Variants in RAD18 observed in about 807,000 individuals in gnomAD.
RAD18 encodes E3 ubiquitin-protein ligase RAD18.
Under a neutral mutation model 60.4 loss-of-function variants are expected in RAD18, and 47 were observed. The observed-to-expected ratio is 0.78, with a 90% CI of 0.62 to 0.99. RAD18 has a LOEUF of 0.99. RAD18 is among the 50% of genes least tolerant of loss of function. The probability of loss-of-function intolerance (pLI) is 0.00; values close to 1 mark genes in which losing one functional copy is unlikely to be tolerated. For synonymous variants in RAD18, 225 were observed against 195.5 expected, an observed-to-expected ratio of 1.15 and a Z score of -1.26; for missense variants, 640 against 593.3, an observed-to-expected ratio of 1.08 and a Z score of -0.82.
chr3:8,953,334 A>T (rs1361651035), intron 2 of RAD18, among the ~76,000 whole-genome samples: 1 of 151,922 alleles, frequency 6.6e-6, no homozygotes. Flanking sequence ...TATTTATAAT[A>T]AGGCTACTGC....
rs146905941 is a variant in RAD18, at chr3:8,884,545, G to A, written c.1386-3086C>T. ...TTTAAGGCTTAAGTTTTAGTGGGAT[G>A]TTCCTCCTTACTTTTAACTTCTATT... On this transcript the variant is annotated intron_variant, in intron 12 of 12. Transcript: ENST00000264926. 6.6e-5 allele frequency among the ~76,000 whole-genome samples: 10 copies of A among 152,100 alleles called. No homozygotes were observed. In the East Asian group the frequency reaches 1.7e-3, roughly 26 times the overall value.
intron 7 of RAD18, among the ~76,000 whole-genome samples, chr3:8,914,864 C>T (rs1425476770): frequency 3.3e-5 from 5 of 152,224 alleles, no homozygotes; most frequent in African/African-American, 2.4e-5. Flanking sequence ...CTAGGCCAGG[C>T]GCAGTGGCTC....
chr3:8,918,803 G>C (rs1940257329), intron 7 of RAD18, among the ~76,000 whole-genome samples: 1 of 152,226 alleles, frequency 6.6e-6, no homozygotes, highest in African/African-American at 2.4e-5. Context: ...AGTATTATCA[G>C]AGAGCAAGTG....
intron 2 of RAD18, among the ~76,000 whole-genome samples, chr3:8,950,343 CT>C (rs1553628457): frequency 6.6e-6 from 1 of 152,100 alleles, no homozygotes; most frequent in Non-Finnish European, 1.5e-5. Flanking sequence ...CCAGAGTAGT[CT>C]GTTCTCAACA....
At chr3:8,922,562 ACAGCAGTGGTTCTTC>A (rs1240663685) in intron 7 of RAD18, among the ~76,000 whole-genome samples, 1 of 152,238 alleles carries the variant, frequency 6.6e-6, no homozygotes, top group Non-Finnish European at 1.5e-5. Flanking sequence ...AGCTTGGAAG[ACAGCAGTGGTTCTTC>A]CAGCATGCAG....
In RAD18 at chr3:8,915,646, C is replaced by T. The variant is rs12637955; in HGVS notation, c.890-1926G>A. Among the ~76,000 whole-genome samples, 72 of 150,722 alleles carry T rather than the reference C, an allele frequency of 4.8e-4. No individual in the cohort carries two copies. In the East Asian group the frequency reaches 8.0e-3, roughly 17 times the overall value. ...TCACCCAGGACGGAGTGCAGTGGCG[C>T]GATCTCGGCTCACTGCAAGCTCTGC... On this transcript the variant is annotated intron_variant, in intron 7 of 12. Coordinates refer to ENST00000264926, the MANE Select transcript of RAD18 (RefSeq NM_020165.4).
intron 7 of RAD18, among the ~76,000 whole-genome samples, chr3:8,918,406 CT>C (rs1381913688): frequency 6.6e-6 from 1 of 151,782 alleles, no homozygotes; most frequent in African/African-American, 2.4e-5. Context: ...GTGTTTGCCC[CT>C]AAAACAGAAA....
chr3:8,963,434 C>T lies in RAD18; in HGVS notation c.-49G>A, dbSNP rs1437416232. 1 of 1,498,426 alleles carries T rather than the reference C, an allele frequency of 6.7e-7. No individual in the cohort carries two copies. The highest frequency in any genetic ancestry group is 9.1e-7 in the Non-Finnish European group (1 of 1,099,276). 92.8% of individuals were successfully genotyped at this position (1,498,426 alleles called of 1,614,324 possible). On this transcript the variant is annotated 5_prime_UTR_variant, in exon 1 of 13. Transcript: ENST00000264926. ...GTCAGCCACCCACTAGCCTCCGGCG[C>T]TCCAACACCACTCGAAATTCCCCGC...
chr3:8,944,016 G>C (rs1247449757), intron 4 of RAD18, among the ~76,000 whole-genome samples: 2 of 151,862 alleles, frequency 1.3e-5, no homozygotes, highest in Admixed American at 6.6e-5. Context: ...GCCAAACATT[G>C]GTTCTTTGAA....
chr3:8,961,730 G>A (rs1436529239), intron 1 of RAD18, among the ~76,000 whole-genome samples: 1 of 152,152 alleles, frequency 6.6e-6, no homozygotes, highest in African/African-American at 2.4e-5. Context: ...AAAAATACGG[G>A]CTCAATCAAC....
chr3:8,890,390 T>G lies in RAD18; in HGVS notation c.1384A>C (p.Lys462Gln). The G allele has an allele frequency of 6.3e-7, 1 of 1,579,078 alleles. No individual in the cohort carries two copies. The highest frequency in any genetic ancestry group is 8.7e-7 in the Non-Finnish European group (1 of 1,148,330). The stretch of plus-strand genomic sequence containing the variant: ...TATTTCATGATTATGAGAACTCACT[T>G]ATGTGATGCTTCCCAGGCTTCCTCT... The part of the protein sequence containing the change: ...EEEEAWEASH[K>Q]NDLQDTEISP... Residue 462 changes from lysine to glutamine, a missense_variant and splice_region_variant, in exon 12 of 13, where the codon AAA becomes CAA. Coordinates refer to ENST00000264926, the MANE Select transcript of RAD18 (RefSeq NM_020165.4).
intron 7 of RAD18, among the ~76,000 whole-genome samples, chr3:8,923,743 A>G (rs2728769): frequency 0.69 from 105,160 of 152,042 alleles, 36,926 homozygotes; most frequent in Middle Eastern, 0.77. Context: ...AGCCAGAAGA[A>G]AGTGGGGGCC....
chr3:8,882,677 G>A (rs1191068402), intron 12 of RAD18, among the ~76,000 whole-genome samples: 2 of 152,184 alleles, frequency 1.3e-5, no homozygotes, highest in African/African-American at 4.8e-5. Context: ...TGGCTGAAAG[G>A]AAAATGGGAG....
At chr3:8,905,517 G>A (rs1045047976) in intron 9 of RAD18, among the ~76,000 whole-genome samples, 1 of 152,160 alleles carries the variant, frequency 6.6e-6, no homozygotes, top group Admixed American at 6.5e-5. Context: ...TTTAAATCAA[G>A]AAATGAGTTT....
intron 7 of RAD18, among the ~76,000 whole-genome samples, chr3:8,922,859 A>G (rs886133650): frequency 6.6e-6 from 1 of 152,196 alleles, no homozygotes; most frequent in African/African-American, 2.4e-5. Context: ...GAGGGTCCTG[A>G]CTGTTAGAAG....
At chr3:8,957,317 C>A (rs953358338) in intron 2 of RAD18, among the ~76,000 whole-genome samples, 2 of 151,992 alleles carry the variant, frequency 1.3e-5, no homozygotes. Context: ...AAATTGACAA[C>A]CTGATTTTAA....
chr3:8,912,096 G>A (rs546323884), intron 9 of RAD18, among the ~76,000 whole-genome samples: 1 of 152,072 alleles, frequency 6.6e-6, no homozygotes, highest in Non-Finnish European at 1.5e-5. Flanking sequence ...TTAGTGATAA[G>A]CTCAAAGTAG....
In RAD18 at chr3:8,880,762, T is replaced by A. The variant is rs1939443423; in HGVS notation, c.*595A>T. On this transcript the variant is annotated 3_prime_UTR_variant, in exon 13 of 13. Transcript: ENST00000264926. The stretch of plus-strand genomic sequence containing the variant: ...CTGTCGTAGCTTTAAATTATAATAC[T>A]AATATCCTACTCTGAGAAATGTGTA... 1 of 152,228 alleles carries A rather than the reference T, an allele frequency of 6.6e-6. No homozygotes were observed. The highest frequency in any genetic ancestry group is 2.4e-5 in the African/African-American group (1 of 41,464). The allele number at this position is 152,228 out of a possible 1,614,324, so 9.4% of individuals were successfully genotyped here.
intron 7 of RAD18, among the ~76,000 whole-genome samples, chr3:8,932,237 C>T (rs149606418): frequency 4.9e-4 from 75 of 152,190 alleles, no homozygotes; most frequent in African/African-American, 1.8e-3. Context: ...AAGAAAATGA[C>T]AAGGTAAGCC....
Sources: allele counts gnomAD v4.1 joint callset (sites outside exome capture counted in the v4.1 genomes callset), GRCh38; gene constraint gnomAD v4.1.1; transcripts MANE v1.5; gene names NCBI Gene and HGNC (gene_info 2026-07-23, HGNC 2026-07-21).